Variants in ABTB3 observed in about 807,000 individuals in gnomAD.
ABTB3 encodes the protein ankyrin repeat and BTB domain containing 3.
the ABTB3 span, among the ~76,000 whole-genome samples, chr12:107,391,032 T>G: frequency 6.6e-6 from 1 of 152,164 alleles, no homozygotes; most frequent in Non-Finnish European, 1.5e-5. Context: ...GTGCCTGTAA[T>G]CCCAGCTACT....
chr12:107,521,636 C>A, the ABTB3 span, among the ~76,000 whole-genome samples: 9 of 151,926 alleles, frequency 5.9e-5, no homozygotes, highest in Admixed American at 3.3e-4. Context: ...CCCATCTGAC[C>A]CACAGGAAAA....
the ABTB3 span, among the ~76,000 whole-genome samples, chr12:107,591,259 G>C: frequency 3.3e-5 from 5 of 152,218 alleles, no homozygotes; most frequent in African/African-American, 9.7e-5. Context: ...CATGGTAATA[G>C]TCTGTTCTCA....
the ABTB3 span, among the ~76,000 whole-genome samples, chr12:107,446,650 C>T: frequency 6.6e-6 from 1 of 152,172 alleles, no homozygotes; most frequent in Non-Finnish European, 1.5e-5. Context: ...GGTCTAGCCG[C>T]ATCTGCATCC....
the ABTB3 span, among the ~76,000 whole-genome samples, chr12:107,407,408 C>G: frequency 3.9e-5 from 6 of 152,184 alleles, no homozygotes; most frequent in African/African-American, 1.4e-4. Flanking sequence ...CTCAGCTGGG[C>G]CACTGTATTT....
chr12:107,564,219 G>T, the ABTB3 span, among the ~76,000 whole-genome samples: 1 of 151,494 alleles, frequency 6.6e-6, no homozygotes, highest in African/African-American at 2.4e-5. Flanking sequence ...TCCACCCATT[G>T]TATGTTTGAC....
chr12:107,438,419 T>G, the ABTB3 span, among the ~76,000 whole-genome samples: 2 of 152,216 alleles, frequency 1.3e-5, no homozygotes, highest in Non-Finnish European at 2.9e-5. Context: ...GGATGGATTC[T>G]TTTAGGTGGC....
At chr12:107,576,771 A>C in the ABTB3 span, among the ~76,000 whole-genome samples, 1 of 152,100 alleles carries the variant, frequency 6.6e-6, no homozygotes, top group Non-Finnish European at 1.5e-5. Flanking sequence ...CGCACTCTTT[A>C]CCACGTCTCC....
the ABTB3 span, among the ~76,000 whole-genome samples, chr12:107,382,699 G>T: frequency 9.4e-4 from 142 of 151,750 alleles, 1 homozygote; most frequent in African/African-American, 3.3e-3. Flanking sequence ...TCATAAGTGG[G>T]AGTTGAACAA....
At chr12:107,547,692 G>A in the ABTB3 span, among the ~76,000 whole-genome samples, 1 of 152,192 alleles carries the variant, frequency 6.6e-6, no homozygotes, top group African/African-American at 2.4e-5. Flanking sequence ...GGAAGCATGT[G>A]GATTGGAAGT....
chr12:107,567,848 C>T, the ABTB3 span, among the ~76,000 whole-genome samples: 1 of 152,196 alleles, frequency 6.6e-6, no homozygotes, highest in Non-Finnish European at 1.5e-5. Flanking sequence ...TCCCCCCTAC[C>T]CCCAGTCTGT....
chr12:107,442,125 T>C, the ABTB3 span, among the ~76,000 whole-genome samples: 1 of 152,186 alleles, frequency 6.6e-6, no homozygotes, highest in South Asian at 2.1e-4. Flanking sequence ...ATTTTCTTAT[T>C]CTTCAGGGCA....
chr12:107,644,737 A>AC, the ABTB3 span, among the ~76,000 whole-genome samples: 28 of 152,064 alleles, frequency 1.8e-4, no homozygotes, highest in African/African-American at 6.3e-4. Context: ...CCCACCCTTT[A>AC]CCCTCAAGCA....
At chr12:107,319,349 A>G in the ABTB3 span, 1 of 1,555,776 alleles carries the variant, frequency 6.4e-7, no homozygotes, top group Non-Finnish European at 8.7e-7. Flanking sequence ...GACGCTGGTG[A>G]GCCGGGCGCT....
At chr12:107,477,040 A>T in the ABTB3 span, among the ~76,000 whole-genome samples, 10 of 152,310 alleles carry the variant, frequency 6.6e-5, no homozygotes, top group Non-Finnish European at 4.4e-5. Context: ...GTGTGTCCAC[A>T]TGACTACTGG....
chr12:107,467,094 C>T, the ABTB3 span, among the ~76,000 whole-genome samples: 3 of 152,086 alleles, frequency 2.0e-5, no homozygotes. Context: ...AACTGTCCAG[C>T]CAACACGTGG....
chr12:107,596,456 T>C, the ABTB3 span, among the ~76,000 whole-genome samples: 2 of 152,024 alleles, frequency 1.3e-5, no homozygotes, highest in Non-Finnish European at 2.9e-5. Context: ...CTACTAAAAA[T>C]ACAAAAATTA....
At chr12:107,477,634 G>A in the ABTB3 span, among the ~76,000 whole-genome samples, 166 of 152,222 alleles carry the variant, frequency 1.1e-3, no homozygotes, top group African/African-American at 3.6e-3. Flanking sequence ...TTATTCTATT[G>A]TATTGATTTG....
chr12:107,402,593 A>G, the ABTB3 span, among the ~76,000 whole-genome samples: 1 of 152,132 alleles, frequency 6.6e-6, no homozygotes, highest in Non-Finnish European at 1.5e-5. Flanking sequence ...GCTCTTATTC[A>G]GTCTTGCACC....
chr12:107,344,118 C>T, the ABTB3 span, among the ~76,000 whole-genome samples: 1 of 152,118 alleles, frequency 6.6e-6, no homozygotes, highest in African/African-American at 2.4e-5. Flanking sequence ...GCTGCTACAG[C>T]TTCAGTCATC....
Sources: allele counts gnomAD v4.1 joint callset (sites outside exome capture counted in the v4.1 genomes callset), GRCh38; gene constraint gnomAD v4.1.1; transcripts MANE v1.5; gene names NCBI Gene and HGNC (gene_info 2026-07-23, HGNC 2026-07-21).